Variants in PRKAA2 observed in about 807,000 individuals in gnomAD.
PRKAA2 encodes protein kinase AMP-activated catalytic subunit alpha 2.
Under a neutral mutation model 56.3 loss-of-function variants are expected in PRKAA2, and 40 were observed. The observed-to-expected ratio is 0.71, with a 90% CI of 0.55 to 0.92. The LOEUF (loss-of-function observed/expected upper bound fraction) is 0.92. Among genes scored for constraint, PRKAA2 ranks in the 40% least tolerant of loss-of-function variants. The pLI is 0.00. For missense variants in PRKAA2, 542 were observed against 686.9 expected (o/e 0.79, Z 2.36); for synonymous variants, 214 against 234.2 (o/e 0.91, Z 0.79).
At chr1:56,662,316 A>G (rs1188482576) in intron 1 of PRKAA2, among the ~76,000 whole-genome samples, 2 of 152,164 alleles carry the variant, frequency 1.3e-5, no homozygotes, top group African/African-American at 4.8e-5. Flanking sequence ...TTGGGACTAT[A>G]TATCTTTGAG....
intron 2 of PRKAA2, among the ~76,000 whole-genome samples, chr1:56,685,886 A>C (rs1354102362): frequency 6.6e-6 from 1 of 152,322 alleles, no homozygotes; most frequent in East Asian, 1.9e-4. Flanking sequence ...TGTATCAATA[A>C]ATCTTCTGAT....
chr1:56,681,539 T>C (rs1644155193), intron 2 of PRKAA2, among the ~76,000 whole-genome samples: 1 of 152,172 alleles, frequency 6.6e-6, no homozygotes, highest in African/African-American at 2.4e-5. Flanking sequence ...TTGTATAAGG[T>C]GTAAGGAAGG....
At chr1:56,675,718 G>A (rs997566642) in intron 2 of PRKAA2, among the ~76,000 whole-genome samples, 1 of 151,832 alleles carries the variant, frequency 6.6e-6, no homozygotes, top group Non-Finnish European at 1.5e-5. Flanking sequence ...CATATAGTTC[G>A]AATACAACTA....
At position 56,691,133 on chromosome 1, in the gene PRKAA2, T is replaced by C. The variant is rs980408129; in HGVS notation, c.237-261T>C. 5.3e-5 allele frequency among the ~76,000 whole-genome samples: 8 copies of C among 152,276 alleles called. No individual in the cohort carries two copies. In the South Asian group the frequency reaches 1.7e-3, roughly 32 times the overall value. Reference sequence around the variant, plus strand: ...ATTTTTGTTTATATGGAAAAATTAGTTGTTGAAGAGGGAAAGATTTCAAAA... The same window carrying C: ...ATTTTTGTTTATATGGAAAAATTAGCTGTTGAAGAGGGAAAGATTTCAAAA... On this transcript the variant is annotated intron_variant, in intron 2 of 8. Coordinates refer to ENST00000371244, the MANE Select transcript of PRKAA2 (RefSeq NM_006252.4).
In PRKAA2 at chr1:56,714,153, A is replaced by G. The variant is rs1644389812; in HGVS notation, c.*6440A>G. The G allele has an allele frequency of 6.6e-6, 1 of 152,176 alleles. No homozygotes were observed. The highest frequency in any genetic ancestry group is 2.4e-5 in the African/African-American group (1 of 41,458). 9.4% of individuals were successfully genotyped at this position (152,176 alleles called of 1,614,324 possible). ...TTGGCTACCTTCTCATGCTTTATAA[A>G]TGAATTTGATGAATGGCAGTTTTTA... is the stretch of plus-strand genomic sequence containing the variant. On this transcript the variant is annotated 3_prime_UTR_variant, in exon 9 of 9. Coordinates refer to ENST00000371244, the MANE Select transcript of PRKAA2 (RefSeq NM_006252.4).
In PRKAA2 at chr1:56,707,508, C is replaced by T; in HGVS notation, c.1454C>T (p.Thr485Ile). Residue 485 changes from threonine to isoleucine, a missense_variant, in exon 9 of 9, where the codon ACA becomes ATA. By Grantham distance (89) the Thr-to-Ile change is moderately conservative (BLOSUM62 -1). This residue lies in a region of PRKAA2 where 158 missense variants were observed against 166.1 expected (regional missense o/e 0.95). Coordinates refer to ENST00000371244, the MANE Select transcript of PRKAA2 (RefSeq NM_006252.4). ...GTGGAGCAGAGATCTGGTTCCTCAA[C>T]ACCTCAGCGTTCCTGTTCTGCTGCT... ...EVVEQRSGSS[T>I]PQRSCSAAGL... is the part of the protein sequence containing the mutation. The T allele has an allele frequency of 1.2e-6, 2 of 1,614,172 alleles. No individual in the cohort carries two copies. Among genetic ancestry groups the T allele is most frequent in the South Asian group, 1.1e-5 (1 of 91,076 alleles).
intron 1 of PRKAA2, among the ~76,000 whole-genome samples, chr1:56,646,968 T>C (rs578125526): frequency 6.6e-6 from 1 of 152,314 alleles, no homozygotes; most frequent in African/African-American, 2.4e-5. Context: ...AATATATATG[T>C]AAAAGGTATG....
chr1:56,681,406 G>T (rs975717885), intron 2 of PRKAA2, among the ~76,000 whole-genome samples: 5 of 152,116 alleles, frequency 3.3e-5, no homozygotes, highest in African/African-American at 1.2e-4. Flanking sequence ...ATTGCTTTTG[G>T]TGTTTTAGAC....
rs1312206899 is a variant in PRKAA2, at chr1:56,708,705, C to T, written c.*992C>T. On this transcript the variant is annotated 3_prime_UTR_variant, in exon 9 of 9. Coordinates refer to ENST00000371244, the MANE Select transcript of PRKAA2 (RefSeq NM_006252.4). ...AGCCACTCCCTTCACCTCACCTCAC[C>T]TAGTCACTATTGTCTTTGTTCATTG... 1 of 152,132 alleles carries T rather than the reference C, an allele frequency of 6.6e-6. No homozygotes were observed. The highest frequency in any genetic ancestry group is 2.4e-5 in the African/African-American group (1 of 41,414). The allele number at this position is 152,132 out of a possible 1,614,324, so 9.4% of individuals were successfully genotyped here.
At chr1:56,683,612 G>A (rs889247432) in intron 2 of PRKAA2, among the ~76,000 whole-genome samples, 4 of 152,150 alleles carry the variant, frequency 2.6e-5, no homozygotes, top group Admixed American at 1.3e-4. Context: ...TTATATTAGT[G>A]TGTGGTGGAG....
chr1:56,669,435 G>A (rs1644059674), intron 1 of PRKAA2, among the ~76,000 whole-genome samples: 1 of 151,926 alleles, frequency 6.6e-6, no homozygotes, highest in Non-Finnish European at 1.5e-5. Context: ...CTCCAGCCTG[G>A]GTGACAGACT....
intron 8 of PRKAA2, 57 bp downstream of exon 8, chr1:56,706,275 C>A: frequency 6.3e-7 from 1 of 1,578,718 alleles, no homozygotes; most frequent in Non-Finnish European, 8.6e-7. Context: ...ACTAGTTGAC[C>A]AGATGTTAAA....
chr1:56,684,995 G>A (rs1241789259), intron 2 of PRKAA2, among the ~76,000 whole-genome samples: 1 of 152,198 alleles, frequency 6.6e-6, no homozygotes, highest in Non-Finnish European at 1.5e-5. Flanking sequence ...GTAGGTGTGG[G>A]AGATAATCCA....
At chr1:56,685,562 C>T (rs1223128006) in intron 2 of PRKAA2, among the ~76,000 whole-genome samples, 1 of 152,096 alleles carries the variant, frequency 6.6e-6, no homozygotes, top group African/African-American at 2.4e-5. Context: ...TCCAATGTGT[C>T]AGAAAAAGAG....
At chr1:56,645,508 G>T in intron 1 of PRKAA2, 27 bp downstream of exon 1, 1 of 1,450,304 alleles carries the variant, frequency 6.9e-7, no homozygotes. Context: ...GGACCGCTGT[G>T]CGGGGCTGCC....
At chr1:56,674,210 G>A (rs563508489) in intron 1 of PRKAA2, among the ~76,000 whole-genome samples, 171 bp from the exon 2 acceptor site, 1 of 152,234 alleles carries the variant, frequency 6.6e-6, no homozygotes, top group Admixed American at 6.5e-5. Context: ...TCCTCAGAGA[G>A]TGCATACTCT....
chr1:56,683,282 T>A (rs566620997), intron 2 of PRKAA2, among the ~76,000 whole-genome samples: 1 of 152,230 alleles, frequency 6.6e-6, no homozygotes, highest in East Asian at 1.9e-4. Context: ...TCATCTATCA[T>A]CTTTATCTCT....
Position 56,704,261 on chromosome 1 carries a change from C to T in PRKAA2, c.1079C>T (p.Pro360Leu). Residue 360 changes from proline to leucine, a missense_variant, in exon 7 of 9, where the codon CCC becomes CTC. Around this residue, in one of 5 missense-constraint regions of PRKAA2, gnomAD observed 198 missense variants for 234.0 expected, o/e 0.85. Coordinates refer to ENST00000371244, the MANE Select transcript of PRKAA2 (RefSeq NM_006252.4). ...SFMDDSAMHI[P>L]PGLKPHPERM... ...ATGGATGATAGTGCCATGCATATTC[C>T]CCCAGGCCTGAAACCTCATCCAGAA... 6.2e-7 allele frequency: 1 copy of T among 1,614,010 alleles called. No homozygotes were observed. The highest frequency in any genetic ancestry group is 8.5e-7 in the Non-Finnish European group (1 of 1,179,992).
At chr1:56,659,058 C>T (rs892870807) in intron 1 of PRKAA2, among the ~76,000 whole-genome samples, 3 of 151,516 alleles carry the variant, frequency 2.0e-5, no homozygotes, top group African/African-American at 4.9e-5. Flanking sequence ...TCGCCTGGGC[C>T]TCCCAAAGTG....
Sources: gnomAD v4.1 joint callset for allele counts (sites outside exome capture counted in the v4.1 genomes callset) on GRCh38, gnomAD v4.1.1 for gene constraint, gnomAD v4.1.1 regional missense constraint, MANE v1.5 for transcripts, NCBI Gene and HGNC (gene_info 2026-07-23, HGNC 2026-07-21) for gene names.